ANGPT1: variants seen among roughly 807,000 people sequenced by gnomAD.
ANGPT1 encodes angiopoietin 1, also known as angiopoietin-1.
ANGPT1 carries 17 observed loss-of-function variants against 62.2 expected under a neutral mutation model. The ratio of observed to expected loss-of-function variants is 0.27; its 90% CI spans 0.19 to 0.41. The LOEUF (loss-of-function observed/expected upper bound fraction) is 0.41, where lower values mean the gene tolerates loss of function less well. Among genes scored for constraint, ANGPT1 ranks in the 10% least tolerant of loss-of-function variants. The pLI, the probability that ANGPT1 is intolerant of heterozygous loss-of-function variation, is 1.00. For missense variants in ANGPT1, 478 were observed against 594.9 expected (o/e 0.80, Z 2.04); for synonymous variants, 199 against 198.9 (o/e 1.00, Z 0.00).
chr8:107,400,014 A>G (rs1016338446), intron 1 of ANGPT1, among the ~76,000 whole-genome samples: 1 of 152,180 alleles, frequency 6.6e-6, no homozygotes, highest in African/African-American at 2.4e-5. Context: ...AGCCACATGC[A>G]CACCATCAAA....
intron 6 of ANGPT1, among the ~76,000 whole-genome samples, chr8:107,286,512 A>C (rs934939858): frequency 2.6e-5 from 4 of 152,156 alleles, no homozygotes; most frequent in Non-Finnish European, 4.4e-5. Flanking sequence ...TTAGGAAAGA[A>C]CTGATGACAC....
intron 1 of ANGPT1, among the ~76,000 whole-genome samples, chr8:107,392,697 T>A (rs1816858578): frequency 6.6e-6 from 1 of 152,222 alleles, no homozygotes; most frequent in Non-Finnish European, 1.5e-5. Context: ...CTACTCCTGT[T>A]CTTCTCACAA....
intron 3 of ANGPT1, among the ~76,000 whole-genome samples, chr8:107,329,744 A>T (rs1435102257): frequency 6.6e-6 from 1 of 151,944 alleles, no homozygotes; most frequent in Non-Finnish European, 1.5e-5. Flanking sequence ...GACATTTCCC[A>T]GTTCCTTATT....
At chr8:107,430,857 C>T (rs572438918) in intron 1 of ANGPT1, among the ~76,000 whole-genome samples, 12 of 152,316 alleles carry the variant, frequency 7.9e-5, no homozygotes, top group South Asian at 4.1e-4. Context: ...TATGAAACAG[C>T]AATACAGTCT....
At chr8:107,414,962 C>T (rs1810698016) in intron 1 of ANGPT1, among the ~76,000 whole-genome samples, 1 of 152,130 alleles carries the variant, frequency 6.6e-6, no homozygotes, top group Admixed American at 6.6e-5. Flanking sequence ...GCTTTGAACA[C>T]ACAAAACAGA....
intron 7 of ANGPT1, among the ~76,000 whole-genome samples, chr8:107,267,634 C>T (rs1381955967): frequency 6.6e-6 from 1 of 152,082 alleles, no homozygotes; most frequent in Non-Finnish European, 1.5e-5. Flanking sequence ...CCATGCAGCT[C>T]ATTCAAAAAC....
rs567554010 is a variant in ANGPT1 at position 107,261,014 on chromosome 8, C to T, written c.1336+3207G>A. Among the ~76,000 whole-genome samples the T allele has an allele frequency of 4.6e-5, 7 of 152,248 alleles. No individual in the cohort carries two copies. In the South Asian group the frequency reaches 1.2e-3, roughly 27 times the overall value. On this transcript the variant is annotated intron_variant, in intron 8 of 8. Transcript: ENST00000517746. ...AGAAATATGAACATATTGGAATACT[C>T]TTCTAAGGACACATTTGAAAGATTT...
intron 3 of ANGPT1, among the ~76,000 whole-genome samples, chr8:107,330,506 C>T (rs1258910223): frequency 1.3e-5 from 2 of 152,124 alleles, no homozygotes; most frequent in South Asian, 4.1e-4. Flanking sequence ...AGAACTTGAA[C>T]TCTCTTCTAT....
At chr8:107,490,031 CA>C (rs1812917939) in intron 1 of ANGPT1, among the ~76,000 whole-genome samples, 1 of 151,830 alleles carries the variant, frequency 6.6e-6, no homozygotes, top group Admixed American at 6.6e-5. Context: ...AGAATGAAAA[CA>C]AAACCTCCTT....
At chr8:107,282,401 T>TTA (rs1219709340) in intron 7 of ANGPT1, among the ~76,000 whole-genome samples, 1 of 136,284 alleles carries the variant, frequency 7.3e-6, no homozygotes, top group Non-Finnish European at 1.5e-5. Context: ...TTGGGCAAAA[T>TTA]TATATATATG....
At chr8:107,292,158 A>G (rs1814293514) in intron 6 of ANGPT1, among the ~76,000 whole-genome samples, 1 of 152,164 alleles carries the variant, frequency 6.6e-6, no homozygotes, top group Admixed American at 6.5e-5. Flanking sequence ...AGGCTCTACT[A>G]TCACCTACCT....
At chr8:107,332,578 G>T (rs1038270952) in intron 3 of ANGPT1, among the ~76,000 whole-genome samples, 1 of 152,206 alleles carries the variant, frequency 6.6e-6, no homozygotes, top group Admixed American at 6.5e-5. Flanking sequence ...TTGTCAGGAT[G>T]TAAATCAGCA....
At chr8:107,311,919 G>T (rs1254479656) in intron 4 of ANGPT1, among the ~76,000 whole-genome samples, 1 of 151,850 alleles carries the variant, frequency 6.6e-6, no homozygotes, top group African/African-American at 2.4e-5. Context: ...AAAAAATTAG[G>T]TGGGCGTGGT....
intron 8 of ANGPT1, among the ~76,000 whole-genome samples, chr8:107,260,800 C>A (rs1369760285): frequency 6.6e-6 from 1 of 152,180 alleles, no homozygotes; most frequent in East Asian, 1.9e-4. Flanking sequence ...GAAATATTCT[C>A]TCCCAAACAT....
chr8:107,491,149 A>AT (rs1236670589), intron 1 of ANGPT1, among the ~76,000 whole-genome samples: 1 of 135,382 alleles, frequency 7.4e-6, no homozygotes, highest in East Asian at 2.1e-4. Context: ...ACCAGAAATG[A>AT]TTAAAAAAAA....
At chr8:107,401,324 T>A (rs1161607702) in intron 1 of ANGPT1, among the ~76,000 whole-genome samples, 1 of 152,134 alleles carries the variant, frequency 6.6e-6, no homozygotes, top group Non-Finnish European at 1.5e-5. Flanking sequence ...ATTAATTATA[T>A]TTTTTTAAAG....
At chr8:107,310,706 G>A (rs1357903520) in intron 4 of ANGPT1, among the ~76,000 whole-genome samples, 4 of 152,186 alleles carry the variant, frequency 2.6e-5, no homozygotes, top group South Asian at 2.1e-4. Context: ...AGAGCTAACA[G>A]AGGATAAGTG....
intron 1 of ANGPT1, among the ~76,000 whole-genome samples, chr8:107,383,591 A>G (rs1005099563): frequency 6.6e-6 from 1 of 152,172 alleles, no homozygotes. Flanking sequence ...AGAGGCAGGC[A>G]CTTACCGACA....
At chr8:107,260,705 T>A (rs1033397785) in intron 8 of ANGPT1, among the ~76,000 whole-genome samples, 5 of 152,208 alleles carry the variant, frequency 3.3e-5, no homozygotes, top group African/African-American at 1.2e-4. Context: ...AAGACCTGGA[T>A]TCTTTCAAAG....
Sources: gnomAD v4.1 joint callset for allele counts (sites outside exome capture counted in the v4.1 genomes callset) on GRCh38, gnomAD v4.1.1 for gene constraint, MANE v1.5 for transcripts, NCBI Gene and HGNC (gene_info 2026-07-23, HGNC 2026-07-21) for gene names.